CCNJL: variants seen among roughly 807,000 people sequenced by gnomAD.
CCNJL encodes cyclin J like, also known as cyclin-J-like protein.
Under a neutral mutation model 33.4 loss-of-function variants are expected in CCNJL, and 33 were observed. That is an observed-to-expected ratio of 0.99 (90% confidence interval 0.75 to 1.32). The LOEUF (loss-of-function observed/expected upper bound fraction) is 1.32, where lower values mean the gene tolerates loss of function less well. CCNJL is among the 40% of genes most tolerant of loss of function. The pLI is 0.00. For missense variants in CCNJL, 512 were observed against 499.7 expected (o/e 1.02, Z -0.23); for synonymous variants, 227 against 220.9 (o/e 1.03, Z -0.24).
intron 3 of CCNJL, among the ~76,000 whole-genome samples, chr5:160,265,656 G>C (rs1373295855): frequency 2.0e-5 from 3 of 150,600 alleles, no homozygotes; most frequent in African/African-American, 7.3e-5. Flanking sequence ...GAAATGCAAT[G>C]CCCCAGCCTG....
At chr5:160,254,324 C>A (rs1361107600) in intron 5 of CCNJL, 2 of 669,980 alleles carry the variant, frequency 3.0e-6, no homozygotes, top group Non-Finnish European at 5.4e-6. Flanking sequence ...GATTTTTCAT[C>A]TGAAAAGGGG....
At chr5:160,307,397 G>GCTT (rs2113447374) in intron 2 of CCNJL, among the ~76,000 whole-genome samples, 1 of 152,260 alleles carries the variant, frequency 6.6e-6, no homozygotes, top group South Asian at 2.1e-4. Context: ...AAGGGACAAG[G>GCTT]AACGTGGCCC....
At chr5:160,301,280 G>A (rs918635046) in intron 2 of CCNJL, among the ~76,000 whole-genome samples, 35 of 152,160 alleles carry the variant, frequency 2.3e-4, no homozygotes, top group African/African-American at 8.0e-4. Context: ...AAAAGGAGCA[G>A]GCAGAAAGGA....
upstream of CCNJL, among the ~76,000 whole-genome samples, chr5:160,314,150 CAA>C (rs1763349375): frequency 6.6e-6 from 1 of 152,178 alleles, no homozygotes; most frequent in Non-Finnish European, 1.5e-5. Context: ...GCTTGGGCAA[CAA>C]GAGTGAAACT....
chr5:160,272,206 C>T (rs902506813), intron 3 of CCNJL, among the ~76,000 whole-genome samples: 1 of 152,114 alleles, frequency 6.6e-6, no homozygotes, highest in Admixed American at 6.6e-5. Flanking sequence ...GTGGGGAGAC[C>T]CCATCCCGTC....
chr5:160,261,830 T>C (rs1737790077), intron 3 of CCNJL, among the ~76,000 whole-genome samples: 1 of 152,236 alleles, frequency 6.6e-6, no homozygotes, highest in Non-Finnish European at 1.5e-5. Flanking sequence ...GGCATCTGAC[T>C]CTAAGCCTTG....
In CCNJL at chr5:160,253,550, T is replaced by C; in HGVS notation, c.992A>G (p.His331Arg). ...GGGCTGCAGCGGTTGGTACGGGGTG[T>C]GGAGGGATGAGCCTGTACTCCCCGA... ...LLSGSTGSSL[H>R]TPYQPLQPLD... Residue 331 changes from histidine (H) to arginine (R), a missense_variant, in exon 6 of 6, where the codon CAC (histidine) becomes CGC (arginine). By Grantham distance (29) the His-to-Arg change is conservative. Coordinates refer to ENST00000257536, the MANE Select transcript of CCNJL (RefSeq NM_001308173.3). The C allele has an allele frequency of 6.2e-7, 1 of 1,613,854 alleles. No individual in the cohort carries two copies. Among genetic ancestry groups the C allele is most frequent in the Non-Finnish European group, 8.5e-7 (1 of 1,179,964 alleles).
intron 4 of CCNJL, among the ~76,000 whole-genome samples, chr5:160,258,006 C>A (rs112378750): frequency 0.02 from 3,006 of 152,100 alleles, 92 homozygotes; most frequent in African/African-American, 0.067. Context: ...ACCACCACAC[C>A]TGGCTAATTT....
chr5:160,265,198 G>A (rs1416429035), intron 3 of CCNJL, among the ~76,000 whole-genome samples: 5 of 152,196 alleles, frequency 3.3e-5, no homozygotes, highest in East Asian at 1.9e-4. Context: ...TCCTTCATGC[G>A]TGGGAAGATG....
intron 3 of CCNJL, among the ~76,000 whole-genome samples, chr5:160,276,036 C>T (rs970522446): frequency 4.6e-5 from 7 of 152,220 alleles, no homozygotes; most frequent in Non-Finnish European, 8.8e-5. Flanking sequence ...ACAACCTAAA[C>T]ATCCATCAAC....
intron 1 of CCNJL, among the ~76,000 whole-genome samples, chr5:160,321,904 C>T (rs1763469866): frequency 1.3e-5 from 2 of 152,186 alleles, no homozygotes; most frequent in Non-Finnish European, 2.9e-5. Flanking sequence ...CCTCCCCCAA[C>T]CCTGCCCCCT....
intron 4 of CCNJL, 91 bp downstream of exon 4, chr5:160,259,378 T>A: frequency 1.7e-6 from 2 of 1,173,008 alleles, no homozygotes; most frequent in Non-Finnish European, 2.4e-6. Flanking sequence ...AGGCCTGATC[T>A]GGATGGACAT....
intron 3 of CCNJL, chr5:160,274,741 T>A (rs1181962040): frequency 6.6e-6 from 1 of 152,464 alleles, no homozygotes; most frequent in African/African-American, 2.4e-5. Flanking sequence ...TCTATCAGCC[T>A]CACCTTCCAC....
At chr5:160,286,501 G>A (rs533368215) in intron 2 of CCNJL, among the ~76,000 whole-genome samples, 2 of 152,250 alleles carry the variant, frequency 1.3e-5, no homozygotes, top group African/African-American at 4.8e-5. Context: ...AGCTAGGCAT[G>A]GTGGTGCACA....
At chr5:160,256,987 G>C (rs1761093336) in intron 4 of CCNJL, among the ~76,000 whole-genome samples, 1 of 151,890 alleles carries the variant, frequency 6.6e-6, no homozygotes, top group East Asian at 1.9e-4. Flanking sequence ...TCAGTTCATA[G>C]GGCAGCTAAA....
chr5:160,287,669 T>C (rs1442419151), intron 2 of CCNJL, among the ~76,000 whole-genome samples: 1 of 152,220 alleles, frequency 6.6e-6, no homozygotes, highest in African/African-American at 2.4e-5. Flanking sequence ...AGCCAGCCCC[T>C]CTGCTGAGTG....
chr5:160,279,525 G>T (rs1034697292), intron 3 of CCNJL, among the ~76,000 whole-genome samples: 2 of 152,184 alleles, frequency 1.3e-5, no homozygotes, highest in Non-Finnish European at 2.9e-5. Context: ...CTATCCATGG[G>T]GGGTGGTGGT....
chr5:160,298,693 G>A (rs911543411), intron 2 of CCNJL, among the ~76,000 whole-genome samples: 2 of 147,766 alleles, frequency 1.4e-5, no homozygotes, highest in African/African-American at 5.4e-5. Context: ...CTTCTCTGAG[G>A]AAGCGATGGA....
At chr5:160,291,068 A>AAGAAAG (rs1561795934) in intron 2 of CCNJL, among the ~76,000 whole-genome samples, 2 of 148,054 alleles carry the variant, frequency 1.4e-5, no homozygotes, top group African/African-American at 5.2e-5. Context: ...AAAAGAAAGA[A>AAGAAAG]AGAGAGAGAG....
Sources: allele counts gnomAD v4.1 joint callset (sites outside exome capture counted in the v4.1 genomes callset), GRCh38; gene constraint gnomAD v4.1.1; transcripts MANE v1.5; gene names NCBI Gene and HGNC (gene_info 2026-07-23, HGNC 2026-07-21).